SUGCT: variants seen among roughly 807,000 people sequenced by gnomAD.
SUGCT encodes succinyl-CoA:glutarate-CoA transferase, also known as succinyl-CoA:glutarate CoA-transferase.
In SUGCT, 41 loss-of-function variants were observed where a neutral mutation model predicts 55.0. The observed-to-expected ratio is 0.74, with a 90% CI of 0.58 to 0.97. The LOEUF is 0.97. Among genes scored for constraint, SUGCT ranks in the 50% least tolerant of loss-of-function variants. The probability of loss-of-function intolerance (pLI) is 0.00; values close to 1 mark genes in which losing one functional copy is unlikely to be tolerated. For synonymous variants in SUGCT, 187 were observed against 200.4 expected (o/e 0.93, Z 0.56); for missense variants, 568 against 547.8 (o/e 1.04, Z -0.37).
intron 12 of SUGCT, among the ~76,000 whole-genome samples, chr7:40,627,851 G>A (rs1296047210): frequency 1.3e-5 from 2 of 151,990 alleles, no homozygotes; most frequent in Non-Finnish European, 2.9e-5. Context: ...AAACTTCTCT[G>A]CCAGGGCTAA....
intron 12 of SUGCT, among the ~76,000 whole-genome samples, chr7:40,733,391 TCTC>T (rs1240798385): frequency 6.6e-6 from 1 of 152,128 alleles, no homozygotes; most frequent in East Asian, 1.9e-4. Context: ...CTAAAATAGT[TCTC>T]CTTAATCTCC....
chr7:41,010,817 G>A, the SUGCT span, among the ~76,000 whole-genome samples: 1 of 152,140 alleles, frequency 6.6e-6, no homozygotes, highest in Non-Finnish European at 1.5e-5. Flanking sequence ...ATAAAACGAT[G>A]TGTCATTTGA....
intron 12 of SUGCT, among the ~76,000 whole-genome samples, chr7:40,678,381 T>C (rs1043718652): frequency 2.0e-5 from 3 of 152,158 alleles, no homozygotes; most frequent in Non-Finnish European, 4.4e-5. Flanking sequence ...GAATATATGA[T>C]GAAGGAAGAA....
chr7:40,496,542 T>C (rs1315242660), intron 12 of SUGCT, among the ~76,000 whole-genome samples, 156 bp downstream of exon 12: 1 of 152,176 alleles, frequency 6.6e-6, no homozygotes, highest in Non-Finnish European at 1.5e-5. Context: ...GAACCAGAAC[T>C]TAGAAGTGCC....
intron 11 of SUGCT, among the ~76,000 whole-genome samples, chr7:40,479,665 T>C (rs148487112): frequency 1.3e-5 from 2 of 152,260 alleles, no homozygotes; most frequent in Admixed American, 1.3e-4. Context: ...AGTTCCCTTT[T>C]CTCTATGTCC....
At chr7:40,807,045 A>G (rs185393117) in intron 13 of SUGCT, among the ~76,000 whole-genome samples, 2 of 152,336 alleles carry the variant, frequency 1.3e-5, no homozygotes, top group South Asian at 2.1e-4. Context: ...AGCACTTAAC[A>G]CAATGTTCAT....
At chr7:40,848,441 C>T (rs1793689770) in intron 13 of SUGCT, among the ~76,000 whole-genome samples, 1 of 151,956 alleles carries the variant, frequency 6.6e-6, no homozygotes, top group African/African-American at 2.4e-5. Flanking sequence ...CTGGATGTAC[C>T]CTAAAGCTGG....
chr7:40,491,947 A>G (rs1791706481), intron 11 of SUGCT, among the ~76,000 whole-genome samples: 1 of 152,004 alleles, frequency 6.6e-6, no homozygotes, highest in Non-Finnish European at 1.5e-5. Flanking sequence ...CCGAGATTGC[A>G]CCACTGAACT....
chr7:40,519,755 TAA>T (rs746528862), intron 12 of SUGCT, among the ~76,000 whole-genome samples: 1 of 152,034 alleles, frequency 6.6e-6, no homozygotes, highest in Non-Finnish European at 1.5e-5. Flanking sequence ...AATCTTATAT[TAA>T]GTTAATAATT....
At chr7:41,024,130 T>C in the SUGCT span, among the ~76,000 whole-genome samples, 4 of 152,242 alleles carry the variant, frequency 2.6e-5, no homozygotes, top group Admixed American at 1.3e-4. Context: ...TCAATGATTT[T>C]GTGGAAACTT....
intron 12 of SUGCT, among the ~76,000 whole-genome samples, chr7:40,558,622 G>C (rs375499917): frequency 1.3e-5 from 2 of 152,194 alleles, no homozygotes; most frequent in African/African-American, 4.8e-5. Context: ...GTGGGGAGCA[G>C]AGTGAGGAGT....
At chr7:40,321,476 G>A (rs567189757) in intron 9 of SUGCT, among the ~76,000 whole-genome samples, 3 of 152,070 alleles carry the variant, frequency 2.0e-5, no homozygotes, top group South Asian at 2.1e-4. Context: ...TCTGCCTACC[G>A]AGTTCAAGTG....
rs553504023 is a variant in SUGCT, at chr7:40,390,545, A to C, written c.817-58742A>C. Among the ~76,000 whole-genome samples the C allele has an allele frequency of 1.9e-3, 288 of 152,350 alleles. 1 individual carries two copies. Among genetic ancestry groups the C allele is most frequent in the African/African-American group, 6.7e-3 (279 of 41,582 alleles). On this transcript the variant is annotated intron_variant, in intron 9 of 13. Coordinates refer to ENST00000335693, the MANE Select transcript of SUGCT (RefSeq NM_001193313.2). Reference sequence around the variant, plus strand: ...GAACTCCCATTCACAGTTGCTTCAAAGAGAATAAAATACCTAGGAATCCAA... The same window carrying C: ...GAACTCCCATTCACAGTTGCTTCAACGAGAATAAAATACCTAGGAATCCAA...
At chr7:40,895,047 C>T in the SUGCT span, among the ~76,000 whole-genome samples, 1 of 152,032 alleles carries the variant, frequency 6.6e-6, no homozygotes, top group African/African-American at 2.4e-5. Flanking sequence ...ATAGAAAAGA[C>T]ATTAAATCAA....
the SUGCT span, among the ~76,000 whole-genome samples, chr7:40,990,854 A>C: frequency 3.3e-5 from 5 of 152,110 alleles, no homozygotes; most frequent in Non-Finnish European, 7.3e-5. Context: ...CAGCTTCCTC[A>C]TTTCTCAGCT....
At chr7:40,363,860 G>C (rs1412704672) in intron 9 of SUGCT, among the ~76,000 whole-genome samples, 2 of 151,972 alleles carry the variant, frequency 1.3e-5, no homozygotes, top group Non-Finnish European at 2.9e-5. Flanking sequence ...TCAATTCCTG[G>C]GTATCCTTGT....
At chr7:40,987,379 A>G in the SUGCT span, among the ~76,000 whole-genome samples, 2 of 152,188 alleles carry the variant, frequency 1.3e-5, no homozygotes, top group South Asian at 2.1e-4. Flanking sequence ...GGTTTTTGGA[A>G]TGAAGATATG....
chr7:40,237,236 G>A (rs1789074916), intron 6 of SUGCT, among the ~76,000 whole-genome samples: 1 of 151,620 alleles, frequency 6.6e-6, no homozygotes, highest in Non-Finnish European at 1.5e-5. Flanking sequence ...TTCACATCAG[G>A]AGTTTGAGAC....
chr7:40,507,075 C>T (rs183075523), intron 12 of SUGCT, among the ~76,000 whole-genome samples: 164 of 151,862 alleles, frequency 1.1e-3, no homozygotes, highest in Non-Finnish European at 1.7e-3. Flanking sequence ...TTTCTGTTGC[C>T]AGCTTTCTTC....
Sources: allele counts gnomAD v4.1 joint callset (sites outside exome capture counted in the v4.1 genomes callset), GRCh38; gene constraint gnomAD v4.1.1; transcripts MANE v1.5; gene names NCBI Gene and HGNC (gene_info 2026-07-23, HGNC 2026-07-21).